Variants in IL1RAPL2 observed in about 807,000 individuals in gnomAD.
IL1RAPL2 encodes interleukin 1 receptor accessory protein like 2.
IL1RAPL2 carries 3 observed loss-of-function variants against 44.1 expected under a neutral mutation model. The ratio of observed to expected loss-of-function variants is 0.07; its 90% CI spans 0.03 to 0.18. IL1RAPL2 has a LOEUF of 0.18. Among genes scored for constraint, IL1RAPL2 ranks in the 10% least tolerant of loss-of-function variants. The probability of loss-of-function intolerance (pLI) is 1.00; values close to 1 mark genes in which losing one functional copy is unlikely to be tolerated. For synonymous variants in IL1RAPL2, 181 were observed against 178.8 expected (o/e 1.01, Z -0.10); for missense variants, 391 against 496.4 (o/e 0.79, Z 2.02).
intron 2 of IL1RAPL2, among the ~76,000 whole-genome samples, chrX:104,728,757 G>C (rs1931844940): frequency 9.0e-6 from 1 of 111,574 alleles, no homozygotes; most frequent in African/African-American, 3.3e-5. Context: ...AGTCTGCAGA[G>C]AGAGCACGGG....
At chrX:105,745,924 C>A (rs1006750315) in intron 8 of IL1RAPL2, among the ~76,000 whole-genome samples, 1 of 111,890 alleles carries the variant, frequency 8.9e-6, no homozygotes, top group African/African-American at 3.3e-5. Context: ...TTCAAGCGAC[C>A]CTCCTGCCCC....
At chrX:105,072,966 T>C (rs768918081) in intron 2 of IL1RAPL2, among the ~76,000 whole-genome samples, 1 of 110,900 alleles carries the variant, frequency 9.0e-6, no homozygotes, top group South Asian at 3.9e-4. Flanking sequence ...TCCATGTCCC[T>C]GCAAAGGTGA....
intron 5 of IL1RAPL2, among the ~76,000 whole-genome samples, chrX:105,349,936 A>G (rs1236396687): frequency 8.9e-6 from 1 of 112,171 alleles, no homozygotes; most frequent in Non-Finnish European, 1.9e-5. Flanking sequence ...GAACTTTCTA[A>G]GGTAAATCAG....
intron 5 of IL1RAPL2, among the ~76,000 whole-genome samples, chrX:105,290,895 A>T (rs2034607463): frequency 1.8e-5 from 2 of 111,108 alleles, no homozygotes; most frequent in African/African-American, 6.6e-5. Context: ...ATGGAATTTC[A>T]CTTTTCTAAT....
intron 2 of IL1RAPL2, among the ~76,000 whole-genome samples, chrX:104,876,417 A>G (rs1345389478): frequency 8.9e-6 from 1 of 111,883 alleles, no homozygotes; most frequent in Admixed American, 9.5e-5. Context: ...GCATGGTAGG[A>G]AGACTTTAAG....
chrX:104,706,673 T>C (rs1023470544), intron 2 of IL1RAPL2, among the ~76,000 whole-genome samples: 2 of 112,348 alleles, frequency 1.8e-5, no homozygotes, highest in Non-Finnish European at 3.8e-5. Context: ...TCACATTCTC[T>C]AGGTCATAAT....
chrX:105,214,307 C>G (rs1252781081), intron 3 of IL1RAPL2, among the ~76,000 whole-genome samples: 1 of 104,290 alleles, frequency 9.6e-6, no homozygotes, highest in Non-Finnish European at 2.0e-5. Context: ...CAAAAAGAAG[C>G]AAGGGTTGCA....
chrX:105,478,196 A>G (rs1257248603), intron 5 of IL1RAPL2, among the ~76,000 whole-genome samples: 3 of 110,383 alleles, frequency 2.7e-5, no homozygotes, highest in Non-Finnish European at 5.7e-5. Flanking sequence ...AGCAGGTACA[A>G]TGTTATTGCC....
At chrX:105,083,947 C>T (rs890205643) in intron 2 of IL1RAPL2, among the ~76,000 whole-genome samples, 3 of 112,084 alleles carry the variant, frequency 2.7e-5, no homozygotes, top group Non-Finnish European at 3.8e-5. Context: ...AAGACAGGAT[C>T]GAATTAACAC....
At chrX:105,362,373 T>C (rs1333074864) in intron 5 of IL1RAPL2, among the ~76,000 whole-genome samples, 4 of 111,532 alleles carry the variant, frequency 3.6e-5, no homozygotes, top group Non-Finnish European at 5.7e-5. Flanking sequence ...GTGCAGGAGA[T>C]TGATTGAATT....
At chrX:105,274,592 T>A (rs764985624) in intron 5 of IL1RAPL2, among the ~76,000 whole-genome samples, 7 of 112,325 alleles carry the variant, frequency 6.2e-5, no homozygotes, top group Non-Finnish European at 1.1e-4. Context: ...AATGTTGTTC[T>A]GAAAGCAGAC....
At chrX:105,554,573 G>C (rs1451525984) in intron 6 of IL1RAPL2, among the ~76,000 whole-genome samples, 1 of 110,648 alleles carries the variant, frequency 9.0e-6, no homozygotes, top group Non-Finnish European at 1.9e-5. Context: ...TAAGCTGCTG[G>C]ATATTGTTCC....
intron 5 of IL1RAPL2, among the ~76,000 whole-genome samples, chrX:105,447,420 TA>T (rs2035974068): frequency 1.4e-5 from 1 of 70,634 alleles, no homozygotes; most frequent in Non-Finnish European, 2.3e-5. Context: ...TATAAATATA[TA>T]AATATATATA....
chrX:104,616,756 C>A (rs1929288252), intron 1 of IL1RAPL2, among the ~76,000 whole-genome samples: 1 of 111,591 alleles, frequency 9.0e-6, no homozygotes, highest in Non-Finnish European at 1.9e-5. Flanking sequence ...TTCTGGCTCA[C>A]TGGCTTCCCT....
intron 5 of IL1RAPL2, among the ~76,000 whole-genome samples, chrX:105,399,110 T>C (rs1430753021): frequency 8.9e-6 from 1 of 111,816 alleles, no homozygotes; most frequent in Non-Finnish European, 1.9e-5. Flanking sequence ...AGGTGAATTT[T>C]ATAATCTTCA....
chrX:105,697,164 A>C (rs745766883), intron 6 of IL1RAPL2, among the ~76,000 whole-genome samples: 1 of 110,504 alleles, frequency 9.0e-6, no homozygotes, highest in Admixed American at 9.7e-5. Flanking sequence ...GCCCTTCATA[A>C]GGGTTCTGTC....
intron 5 of IL1RAPL2, among the ~76,000 whole-genome samples, chrX:105,347,973 C>T (rs1273554364): frequency 8.9e-6 from 1 of 111,835 alleles, no homozygotes; most frequent in Non-Finnish European, 1.9e-5. Flanking sequence ...AAAGTATCTA[C>T]CATTCATGTA....
chrX:105,079,349 A>G (rs893429188), intron 2 of IL1RAPL2, among the ~76,000 whole-genome samples: 1 of 109,383 alleles, frequency 9.1e-6, no homozygotes, highest in African/African-American at 3.3e-5. Flanking sequence ...AAATCATTCT[A>G]CTATAAAGAC....
intron 8 of IL1RAPL2, among the ~76,000 whole-genome samples, chrX:105,741,736 A>G (rs1193115492): frequency 8.9e-6 from 1 of 111,934 alleles, no homozygotes; most frequent in Non-Finnish European, 1.9e-5. Flanking sequence ...AGTCTAAAAG[A>G]GAAAGTAAAG....
Sources: allele counts gnomAD v4.1 joint callset (sites outside exome capture counted in the v4.1 genomes callset), GRCh38; gene constraint gnomAD v4.1.1; transcripts MANE v1.5; gene names NCBI Gene and HGNC (gene_info 2026-07-23, HGNC 2026-07-21).